NBAS: variants seen among roughly 807,000 people sequenced by gnomAD.
NBAS encodes NAG/BC035112 fusion.
In NBAS, 219 loss-of-function variants were observed where a neutral mutation model predicts 302.5. The ratio of observed to expected loss-of-function variants is 0.72; its 90% CI spans 0.65 to 0.81. The LOEUF (loss-of-function observed/expected upper bound fraction) is 0.81, where lower values mean the gene tolerates loss of function less well. Among genes scored for constraint, NBAS ranks in the 30% least tolerant of loss-of-function variants. NBAS has a pLI of 0.00. For synonymous variants in NBAS, 1,118 were observed against 1,021.6 expected (o/e 1.09, Z -1.80); for missense variants, 2,932 against 2,841.6 (o/e 1.03, Z -0.72).
At chr2:15,092,156 A>T in the NBAS span, among the ~76,000 whole-genome samples, 10 of 152,178 alleles carry the variant, frequency 6.6e-5, no homozygotes, top group Admixed American at 1.3e-4. Context: ...CTACTTCTCC[A>T]CTTCAATTGT....
intron 44 of NBAS, among the ~76,000 whole-genome samples, chr2:15,275,114 A>G (rs1457034926): frequency 2.0e-5 from 3 of 152,154 alleles, no homozygotes; most frequent in African/African-American, 7.2e-5. Flanking sequence ...GGCTAACCCA[A>G]GCTAAGTTGT....
At chr2:15,259,326 C>T (rs1668748118) in intron 44 of NBAS, among the ~76,000 whole-genome samples, 1 of 152,110 alleles carries the variant, frequency 6.6e-6, no homozygotes, top group Non-Finnish European at 1.5e-5. Flanking sequence ...CCATCCAAAC[C>T]CCTGCATTAA....
At chr2:15,236,914 A>G (rs1338017034) in intron 45 of NBAS, among the ~76,000 whole-genome samples, 2 of 152,116 alleles carry the variant, frequency 1.3e-5, no homozygotes, top group Admixed American at 6.5e-5. Flanking sequence ...AGTTCTTCCC[A>G]TTATCTTTTC....
chr2:15,498,571 T>C (rs890792259), intron 11 of NBAS, among the ~76,000 whole-genome samples: 1 of 152,108 alleles, frequency 6.6e-6, no homozygotes, highest in African/African-American at 2.4e-5. Flanking sequence ...GAACCAGTAA[T>C]CCCATTACTG....
chr2:14,964,564 A>G, the NBAS span, among the ~76,000 whole-genome samples: 1 of 152,184 alleles, frequency 6.6e-6, no homozygotes, highest in African/African-American at 2.4e-5. Flanking sequence ...TGATAGAACT[A>G]AAGGACAAAT....
At chr2:15,051,134 G>A in the NBAS span, among the ~76,000 whole-genome samples, 1 of 152,192 alleles carries the variant, frequency 6.6e-6, no homozygotes, top group African/African-American at 2.4e-5. Flanking sequence ...AATTATGGAG[G>A]ATGCACTCAA....
chr2:15,400,994 A>T (rs139242755), intron 26 of NBAS, among the ~76,000 whole-genome samples: 10 of 152,292 alleles, frequency 6.6e-5, no homozygotes, highest in African/African-American at 2.4e-4. Context: ...TTTAGCAAAA[A>T]TATTTCTTAA....
chr2:15,419,857 A>G (rs1677127609), intron 23 of NBAS, among the ~76,000 whole-genome samples: 1 of 151,976 alleles, frequency 6.6e-6, no homozygotes. Context: ...GACTGCAGGC[A>G]TCTGCCACCA....
chr2:15,338,613 C>T (rs1237424183), intron 35 of NBAS, among the ~76,000 whole-genome samples: 3 of 151,510 alleles, frequency 2.0e-5, no homozygotes, highest in East Asian at 3.9e-4. Context: ...GGAAGCTGAG[C>T]CCTTTCCCCA....
At chr2:15,011,653 C>A in the NBAS span, among the ~76,000 whole-genome samples, 2 of 152,264 alleles carry the variant, frequency 1.3e-5, no homozygotes, top group Admixed American at 6.5e-5. Context: ...ATGGCCCCAA[C>A]CTGAGCAATC....
chr2:15,187,193 T>C (rs1350184893), intron 49 of NBAS, among the ~76,000 whole-genome samples: 2 of 152,140 alleles, frequency 1.3e-5, no homozygotes, highest in African/African-American at 4.8e-5. Flanking sequence ...TACTTTTGCC[T>C]AGTTGTATGG....
chr2:14,814,651 G>T, the NBAS span, among the ~76,000 whole-genome samples: 2 of 152,204 alleles, frequency 1.3e-5, no homozygotes, highest in Non-Finnish European at 2.9e-5. Flanking sequence ...TGGCAGAAGG[G>T]ACTTGCCTTG....
intron 44 of NBAS, among the ~76,000 whole-genome samples, chr2:15,266,701 C>T (rs1669091706): frequency 6.6e-6 from 1 of 152,188 alleles, no homozygotes; most frequent in African/African-American, 2.4e-5. Context: ...CCCTCATCCT[C>T]AATTCTTAAT....
chr2:15,179,188 A>G, intron 50 of NBAS, 72 bp from the exon 51 acceptor site: 1 of 1,609,856 alleles, frequency 6.2e-7, no homozygotes, highest in Non-Finnish European at 8.5e-7. Flanking sequence ...TGGCTGGATC[A>G]TTCCACCCCT....
the NBAS span, among the ~76,000 whole-genome samples, chr2:15,081,972 TCA>T: frequency 6.6e-6 from 1 of 152,244 alleles, no homozygotes; most frequent in Non-Finnish European, 1.5e-5. Context: ...TCTTTTGGCC[TCA>T]GTTTCCACAT....
the NBAS span, among the ~76,000 whole-genome samples, chr2:15,096,561 G>A: frequency 0.074 from 11,314 of 152,276 alleles, 595 homozygotes; most frequent in Non-Finnish European, 0.12. Context: ...AAGGCCCTCA[G>A]GGCACTTCCC....
At chr2:15,396,553 A>C (rs1675876834) in intron 26 of NBAS, 78 bp from the exon 27 acceptor site, 1 of 944,908 alleles carries the variant, frequency 1.1e-6, no homozygotes, top group Non-Finnish European at 1.6e-6. Context: ...AACTTAATGA[A>C]GTGAAAAAAA....
intron 48 of NBAS, among the ~76,000 whole-genome samples, chr2:15,191,338 G>T (rs753073384): frequency 6.6e-6 from 1 of 152,118 alleles, no homozygotes. Context: ...CTGATCCCAA[G>T]AAGCCATCCG....
intron 25 of NBAS, among the ~76,000 whole-genome samples, chr2:15,409,231 C>G (rs146641419): frequency 6.6e-6 from 1 of 152,126 alleles, no homozygotes; most frequent in Non-Finnish European, 1.5e-5. Context: ...TCTCTGTGCC[C>G]GTGGTATCCT....
Sources: gnomAD v4.1 joint callset for allele counts (sites outside exome capture counted in the v4.1 genomes callset) on GRCh38, gnomAD v4.1.1 for gene constraint, MANE v1.5 for transcripts, NCBI Gene and HGNC (gene_info 2026-07-23, HGNC 2026-07-21) for gene names.